USP47: variants seen among roughly 807,000 people sequenced by gnomAD.
USP47 encodes the protein ubiquitin carboxyl-terminal hydrolase 47.
In USP47, 35 loss-of-function variants were observed where a neutral mutation model predicts 165.1. That is an observed-to-expected ratio of 0.21 (90% CI 0.16 to 0.28). USP47 has a LOEUF of 0.28. Ranked by LOEUF, USP47 falls within the 10% of genes least tolerant of loss-of-function variation. USP47 has a pLI of 1.00. For missense variants in USP47, 1,277 were observed against 1,607.4 expected, an observed-to-expected ratio of 0.79 and a Z score of 3.52; for synonymous variants, 531 against 544.5, an observed-to-expected ratio of 0.98 and a Z score of 0.35.
rs546611289 is a variant in USP47, at chr11:11,926,346, C to G, written c.1387-3088C>G. Among the ~76,000 whole-genome samples the G allele has an allele frequency of 3.3e-5, 5 of 152,240 alleles. No individual in the cohort carries two copies. In the South Asian group the frequency reaches 1.0e-3, roughly 32 times the overall value. ...GTTGGGAGGTTTTTGATTACTGATT[C>G]AATCTCCTTACTAGTTATAGATGTG... is the stretch of plus-strand genomic sequence containing the variant. On this transcript the variant is annotated intron_variant, in intron 11 of 27. Transcript: ENST00000527733.
intron 1 of USP47, among the ~76,000 whole-genome samples, chr11:11,849,001 C>CCACA (rs1329261822): frequency 2.0e-5 from 3 of 152,204 alleles, no homozygotes; most frequent in East Asian, 3.9e-4. Flanking sequence ...CTATCCCCAA[C>CCACA]CACACACAAG....
rs911944230 is a variant in USP47, at chr11:11,959,535, C to A, written c.*3360C>A. Reference sequence around the variant, plus strand: ...TTAGTGTACATGAAATTGGAAGATGCTTCTTGATTGTAGTTCCCATGGGGA... The same window carrying A: ...TTAGTGTACATGAAATTGGAAGATGATTCTTGATTGTAGTTCCCATGGGGA... On this transcript the variant is annotated 3_prime_UTR_variant, in exon 28 of 28. Transcript: ENST00000527733. Among the ~76,000 whole-genome samples, 53 of 152,134 alleles carry A rather than the reference C, an allele frequency of 3.5e-4. 1 individual carries two copies. Among genetic ancestry groups the A allele is most frequent in the Admixed American group, 6.5e-5 (1 of 15,276 alleles).
chr11:11,853,940 C>A (rs1256608776), intron 1 of USP47, among the ~76,000 whole-genome samples: 1 of 151,948 alleles, frequency 6.6e-6, no homozygotes, highest in African/African-American at 2.4e-5. Context: ...TCCTGGCTAA[C>A]ACAGTGAAAC....
In USP47 at chr11:11,930,082, T is replaced by G. The variant is rs779239709; in HGVS notation, c.1557T>G (p.Ser519=). ...ACATTAAGAAAACACATGGTGGATC[T>G]TCAGGAAGCAGAGGATATTATTCTA... ...QEDIKKTHGG[S]SGSRGYYSSA... Residue 519 remains serine (S), a synonymous_variant, in exon 13 of 28, where the codon TCT becomes TCG. Coordinates refer to ENST00000527733, the MANE Select transcript of USP47 (RefSeq NM_001282659.2). 8.1e-6 allele frequency: 13 copies of G among 1,613,448 alleles called. No individual in the cohort carries two copies. In the South Asian group the frequency reaches 1.3e-4, roughly 16 times the overall value.
intron 19 of USP47, among the ~76,000 whole-genome samples, chr11:11,942,078 C>T (rs1855510523): frequency 6.6e-6 from 1 of 151,974 alleles, no homozygotes; most frequent in South Asian, 2.1e-4. Context: ...TTGGACAACC[C>T]AATAAACAAG....
intron 11 of USP47, among the ~76,000 whole-genome samples, chr11:11,927,940 T>C (rs1854373375): frequency 6.6e-6 from 1 of 152,106 alleles, no homozygotes; most frequent in Admixed American, 6.6e-5. Flanking sequence ...GACTGTATTA[T>C]CTTTGCTTTA....
At position 11,930,096 on chromosome 11, in the gene USP47, G is replaced by A. The variant is rs1479944280; in HGVS notation, c.1571G>A (p.Gly524Glu). The change falls in exon 13 of 28, where the codon GGA becomes GAA. Residue 524 changes from glycine (G) to glutamate (E), a missense_variant. Physicochemically the swap from Gly to Glu is moderately conservative, Grantham distance 98. This residue lies in a region of USP47 where 909 missense variants were observed against 1,068.1 expected (regional missense o/e 0.85). Coordinates refer to ENST00000527733, the MANE Select transcript of USP47 (RefSeq NM_001282659.2). ...CATGGTGGATCTTCAGGAAGCAGAG[G>A]ATATTATTCTAGTGCTTTCGCAAGG... ...KTHGGSSGSR[G>E]YYSSAFASST... is the part of the protein sequence containing the mutation. 6 of 1,613,108 alleles carry A rather than the reference G, an allele frequency of 3.7e-6. No individual in the cohort carries two copies. Among genetic ancestry groups the A allele is most frequent in the Non-Finnish European group, 5.1e-6 (6 of 1,179,314 alleles).
At chr11:11,934,805 A>G (rs1009763701) in intron 16 of USP47, among the ~76,000 whole-genome samples, 17 of 152,140 alleles carry the variant, frequency 1.1e-4, no homozygotes, top group Non-Finnish European at 1.6e-4. Flanking sequence ...GTCATTTATG[A>G]TACTTAACAA....
chr11:11,956,117 A>G lies in USP47; in HGVS notation c.4010A>G (p.Glu1337Gly). The G allele has an allele frequency of 6.2e-7, 1 of 1,614,088 alleles. No homozygotes were observed. Among genetic ancestry groups the G allele is most frequent in the Non-Finnish European group, 8.5e-7 (1 of 1,179,980 alleles). Reference protein sequence around the residue: ...GHRVTYSPRKEKALKIYLDGA... With the variant: ...GHRVTYSPRKGKALKIYLDGA... ...CGTGTAACATACTCACCTCGTAAAGAGAAAGCACTAAAAATATATCTGGAT... is the reference window on the plus strand; with the variant it reads ...CGTGTAACATACTCACCTCGTAAAGGGAAAGCACTAAAAATATATCTGGAT... The change falls in exon 28 of 28, where the codon GAG becomes GGG. Residue 1337 changes from glutamate to glycine, a missense_variant. Glu to Gly is a moderately conservative substitution (Grantham distance 98). Transcript: ENST00000527733.
intron 1 of USP47, chr11:11,856,738 A>G (rs1449832785): frequency 6.6e-6 from 1 of 152,222 alleles, no homozygotes; most frequent in Non-Finnish European, 1.5e-5. Flanking sequence ...ACTGAGAGCC[A>G]CAGTACAAGG....
chr11:11,943,146 C>T, intron 20 of USP47, 34 bp downstream of exon 20: 2 of 1,559,984 alleles, frequency 1.3e-6, no homozygotes, highest in Non-Finnish European at 8.6e-7. Flanking sequence ...GTCCTTGAAA[C>T]AGCATCAGTT....
At chr11:11,948,336 G>A in intron 21 of USP47, 142 bp from the exon 22 acceptor site, 1 of 830,576 alleles carries the variant, frequency 1.2e-6, no homozygotes, top group South Asian at 1.9e-5. Context: ...TATTCTAGGT[G>A]CTGGGGATTC....
chr11:11,950,566 A>C (rs1257438250), intron 24 of USP47, 84 bp downstream of exon 24: 4 of 920,968 alleles, frequency 4.3e-6, no homozygotes, highest in Non-Finnish European at 6.7e-6. Flanking sequence ...TCAAATAATG[A>C]GTTACGAGGA....
chr11:11,897,829 C>G, intron 5 of USP47, 136 bp downstream of exon 5: 1 of 575,712 alleles, frequency 1.7e-6, no homozygotes, highest in Non-Finnish European at 3.0e-6. Flanking sequence ...TCTTTCCTTA[C>G]GTAATAACAA....
intron 1 of USP47, among the ~76,000 whole-genome samples, chr11:11,862,979 C>G (rs943486142): frequency 1.3e-5 from 2 of 152,112 alleles, no homozygotes; most frequent in Non-Finnish European, 1.5e-5. Flanking sequence ...CTACCCCCCT[C>G]CCACCCACTT....
intron 11 of USP47, among the ~76,000 whole-genome samples, chr11:11,925,171 G>C (rs1411410016): frequency 6.8e-6 from 1 of 147,970 alleles, no homozygotes; most frequent in Non-Finnish European, 1.5e-5. Flanking sequence ...GAAGTGGTGT[G>C]ATCTCGGCTC....
chr11:11,866,465 C>G (rs528534151), intron 1 of USP47, among the ~76,000 whole-genome samples: 2 of 152,182 alleles, frequency 1.3e-5, no homozygotes, highest in East Asian at 3.9e-4. Flanking sequence ...ATTGTGTTCC[C>G]CTGAGTTGGT....
In USP47 at chr11:11,930,032, A is replaced by G; in HGVS notation, c.1519-12A>G. 6.2e-7 allele frequency: 1 copy of G among 1,611,618 alleles called. No individual in the cohort carries two copies. Among genetic ancestry groups the G allele is most frequent in the Non-Finnish European group, 8.5e-7 (1 of 1,178,188 alleles). ...TAGAATTTGCAAAAAAAATCATGTA[A>G]CACATTTTCAGATAACACAAGAGGA... On this transcript the variant is annotated splice_polypyrimidine_tract_variant and intron_variant, in intron 12 of 27. Transcript: ENST00000527733.
At chr11:11,944,245 G>A (rs1278452732) in intron 20 of USP47, among the ~76,000 whole-genome samples, 1 of 150,614 alleles carries the variant, frequency 6.6e-6, no homozygotes, top group African/African-American at 2.4e-5. Flanking sequence ...TCATCTCATG[G>A]GGAGGAGGTG....
Sources: gnomAD v4.1 joint callset for allele counts (sites outside exome capture counted in the v4.1 genomes callset) on GRCh38, gnomAD v4.1.1 for gene constraint, gnomAD v4.1.1 regional missense constraint, MANE v1.5 for transcripts, NCBI Gene and HGNC (gene_info 2026-07-23, HGNC 2026-07-21) for gene names.